Variants in ADCY1 observed in about 807,000 individuals in gnomAD.
ADCY1 encodes the protein adenylate cyclase 1, also known as adenylate cyclase type 1.
A neutral mutation model predicts 105.4 loss-of-function variants in ADCY1; 28 were observed. The ratio of observed to expected loss-of-function variants is 0.27; its 90% confidence interval spans 0.20 to 0.36. ADCY1 has a LOEUF of 0.36. Among genes scored for constraint, ADCY1 ranks in the 10% least tolerant of loss-of-function variants. ADCY1 has a pLI of 1.00. For missense variants in ADCY1, 977 were observed against 1,434.2 expected (o/e 0.68, Z 5.15); for synonymous variants, 655 against 623.8 (o/e 1.05, Z -0.75).
At chr7:45,636,605 A>G (rs369921305) in intron 4 of ADCY1, among the ~76,000 whole-genome samples, 20 of 152,166 alleles carry the variant, frequency 1.3e-4, no homozygotes, top group African/African-American at 4.8e-4. Flanking sequence ...CAGTGGCGCA[A>G]TCTTGGCTCA....
chr7:45,650,253 ATAT>A (rs552332178), intron 5 of ADCY1, among the ~76,000 whole-genome samples: 124 of 152,232 alleles, frequency 8.1e-4, no homozygotes, highest in Non-Finnish European at 1.3e-3. Context: ...AACATATCAC[ATAT>A]TATATATCAC....
intron 3 of ADCY1, among the ~76,000 whole-genome samples, chr7:45,612,378 C>T (rs1232409408): frequency 2.0e-5 from 3 of 152,182 alleles, no homozygotes; most frequent in African/African-American, 7.2e-5. Context: ...GCAGGACTCC[C>T]TGGCCAGTGA....
chr7:45,651,707 G>A (rs1428488539), intron 5 of ADCY1, among the ~76,000 whole-genome samples: 2 of 152,170 alleles, frequency 1.3e-5, no homozygotes, highest in African/African-American at 4.8e-5. Flanking sequence ...CTCCAAAGGA[G>A]CGGGCCATGC....
chr7:45,593,299 A>G (rs997646919), intron 2 of ADCY1, among the ~76,000 whole-genome samples: 2 of 152,182 alleles, frequency 1.3e-5, no homozygotes, highest in African/African-American at 4.8e-5. Context: ...CCCTTGGCTC[A>G]GTGTGGCCGA....
intron 11 of ADCY1, among the ~76,000 whole-genome samples, chr7:45,683,682 T>A (rs1784608276): frequency 6.6e-6 from 1 of 152,182 alleles, no homozygotes. Flanking sequence ...GGAGGGCTGC[T>A]GTTCACACCC....
chr7:45,605,634 A>G (rs1562684116), intron 2 of ADCY1, among the ~76,000 whole-genome samples: 1 of 152,120 alleles, frequency 6.6e-6, no homozygotes, highest in African/African-American at 2.4e-5. Context: ...TTAGCATTAC[A>G]TCCCTGGATT....
rs777652902 is a variant in ADCY1 at position 45,686,566 on chromosome 7, C to T, written c.2347C>T (p.Arg783Cys). 1.1e-5 allele frequency: 17 copies of T among 1,611,936 alleles called. No individual in the cohort carries two copies. Among genetic ancestry groups the T allele is most frequent in the Middle Eastern group, 1.6e-4 (1 of 6,074 alleles). The change falls in exon 14 of 20, where the codon CGC becomes TGC. Residue 783 changes from arginine (R) to cysteine (C), a missense_variant. Around this residue, in one of 7 missense-constraint regions of ADCY1, gnomAD observed 275 missense variants for 362.1 expected, o/e 0.76. Coordinates refer to ENST00000297323, the MANE Select transcript of ADCY1 (RefSeq NM_021116.4). This position sits in a 1 kb window ranked among gnomAD's most constrained non-coding sequence, Gnocchi z 4.3. ...TRTGGGAVSG[R>C]SYEPIVAILL... The stretch of plus-strand genomic sequence containing the variant: ...CCCCAGGGGTGGTGCCGTCTCCGGG[C>T]GCAGCTACGAGCCGATTGTGGCCAT...
At chr7:45,706,974 T>C (rs1785134917) in intron 17 of ADCY1, among the ~76,000 whole-genome samples, 1 of 152,214 alleles carries the variant, frequency 6.6e-6, no homozygotes, top group African/African-American at 2.4e-5. Context: ...TTGTATGTTT[T>C]TAGGGCTTTG....
At chr7:45,653,568 C>A (rs149857066) in intron 5 of ADCY1, among the ~76,000 whole-genome samples, 28 of 152,340 alleles carry the variant, frequency 1.8e-4, no homozygotes, top group African/African-American at 6.0e-4. Flanking sequence ...ACCTGGAAGT[C>A]ATGTGTGACA....
At chr7:45,701,449 T>C (rs1178057061) in intron 14 of ADCY1, among the ~76,000 whole-genome samples, 2 of 152,216 alleles carry the variant, frequency 1.3e-5, no homozygotes, top group Non-Finnish European at 2.9e-5. Context: ...ATTATGGTTT[T>C]TAATCAAAGC....
chr7:45,658,011 C>A, intron 6 of ADCY1, 126 bp downstream of exon 6: 1 of 1,116,734 alleles, frequency 9.0e-7, no homozygotes. Flanking sequence ...CCTGGAGGAG[C>A]CTGCCTGTCC....
rs1025613185 is a variant in ADCY1 at position 45,714,741 on chromosome 7, A to C, written c.*746A>C. 6.5e-6 allele frequency: 1 copy of C among 152,680 alleles called. No individual in the cohort carries two copies. Among genetic ancestry groups the C allele is most frequent in the Admixed American group, 6.5e-5 (1 of 15,284 alleles). The allele number at this position is 152,680 out of a possible 1,614,324, so 9.5% of individuals were successfully genotyped here. ...TGACCCCCTCTCCACAACCATGGCC[A>C]GCATCGGCTTCTTGCTGCACCTGTG... On this transcript the variant is annotated 3_prime_UTR_variant, in exon 20 of 20. Coordinates refer to ENST00000297323, the MANE Select transcript of ADCY1 (RefSeq NM_021116.4).
At chr7:45,605,859 C>G (rs1258524310) in intron 2 of ADCY1, among the ~76,000 whole-genome samples, 3 of 152,162 alleles carry the variant, frequency 2.0e-5, no homozygotes, top group Admixed American at 1.3e-4. Flanking sequence ...TGAGCTTGTT[C>G]TAGTTCTTGG....
At position 45,703,480 on chromosome 7, in the gene ADCY1, C is replaced by T; in HGVS notation, c.2559C>T (p.Asn853=). ...AHVAQHFLMS[N]PRNMDLYYQS... ...TCGCCCAGCACTTCCTCATGTCCAA[C>T]CCTCGGAACATGGTGAGCACCCAGC... The change falls in exon 15 of 20, where the codon AAC becomes AAT. Residue 853 remains asparagine (N), a synonymous_variant. Transcript: ENST00000297323. This position sits in a 1 kb window ranked among gnomAD's most constrained non-coding sequence, Gnocchi z 5.9. 1 of 1,614,122 alleles carries T rather than the reference C, an allele frequency of 6.2e-7. No individual in the cohort carries two copies. The highest frequency in any genetic ancestry group is 1.3e-5 in the African/African-American group (1 of 75,016).
intron 8 of ADCY1, among the ~76,000 whole-genome samples, chr7:45,673,118 C>G (rs1186681761): frequency 6.6e-6 from 1 of 152,144 alleles, no homozygotes; most frequent in East Asian, 1.9e-4. Flanking sequence ...ATTTGACCAG[C>G]CTTTCATCCC....
chr7:45,673,198 T>G (rs1784395739), intron 8 of ADCY1, among the ~76,000 whole-genome samples: 1 of 152,018 alleles, frequency 6.6e-6, no homozygotes, highest in African/African-American at 2.4e-5. Context: ...TTTGTTAGAT[T>G]TTTTTTATAT....
chr7:45,686,661 C>T lies in ADCY1; in HGVS notation c.2442C>T (p.Leu814=), dbSNP rs765906539. The change falls in exon 14 of 20, where the codon CTC becomes CTT. Residue 814 remains leucine (L), a synonymous_variant. Coordinates refer to ENST00000297323, the MANE Select transcript of ADCY1 (RefSeq NM_021116.4). This position sits in a 1 kb window ranked among gnomAD's most constrained non-coding sequence, Gnocchi z 4.3. Reference sequence around the variant, plus strand: ...ACATCAGGCTGAGGCTGGACTACCTCTGGGCCGCACAGGCAAGACGAGCCC... The same window carrying T: ...ACATCAGGCTGAGGCTGGACTACCTTTGGGCCGCACAGGCAAGACGAGCCC... ...QVDIRLRLDY[L]WAAQAEEERE... The T allele has an allele frequency of 8.1e-6, 13 of 1,608,608 alleles. No individual in the cohort carries two copies. Among genetic ancestry groups the T allele is most frequent in the Non-Finnish European group, 1.1e-5 (13 of 1,176,332 alleles).
chr7:45,581,832 TAC>T (rs1013564479), intron 1 of ADCY1, among the ~76,000 whole-genome samples: 2 of 151,958 alleles, frequency 1.3e-5, no homozygotes. Flanking sequence ...CACATGCTCA[TAC>T]ACACACATAA....
Position 45,686,592 on chromosome 7 carries a change from C to G in ADCY1, c.2373C>G (p.Ile791Met), listed in dbSNP as rs1784680892. Residue 791 changes from isoleucine (I) to methionine (M), a missense_variant, in exon 14 of 20, where the codon ATC becomes ATG. Coordinates refer to ENST00000297323, the MANE Select transcript of ADCY1 (RefSeq NM_021116.4). The surrounding 1 kb of genome is among the most constrained non-coding windows in gnomAD (Gnocchi z 4.3). Reference sequence around the variant, plus strand: ...GCAGCTACGAGCCGATTGTGGCCATCCTGCTCTTCTCCTGTGCGCTGGCCC... The same window carrying G: ...GCAGCTACGAGCCGATTGTGGCCATGCTGCTCTTCTCCTGTGCGCTGGCCC... ...SGRSYEPIVA[I>M]LLFSCALALH... 1 of 1,613,730 alleles carries G rather than the reference C, an allele frequency of 6.2e-7. No individual in the cohort carries two copies.
Sources: gnomAD v4.1 joint callset for allele counts (sites outside exome capture counted in the v4.1 genomes callset) on GRCh38, gnomAD v4.1.1 for gene constraint, gnomAD v4.1.1 regional missense constraint, Gnocchi (gnomAD v3.1) non-coding constraint, MANE v1.5 for transcripts, NCBI Gene and HGNC (gene_info 2026-07-23, HGNC 2026-07-21) for gene names.